NTM: variants seen among roughly 807,000 people sequenced by gnomAD.
NTM encodes the protein IgLON family member 2.
NTM carries 13 observed loss-of-function variants against 42.1 expected under a neutral mutation model. The observed-to-expected ratio is 0.31, with a 90% CI of 0.20 to 0.49. The LOEUF (loss-of-function observed/expected upper bound fraction) is 0.49. Ranked by LOEUF, NTM falls within the 20% of genes least tolerant of loss-of-function variation. The pLI, the probability that NTM is intolerant of heterozygous loss-of-function variation, is 0.99. For synonymous variants in NTM, 187 were observed against 179.2 expected (o/e 1.04, Z -0.35); for missense variants, 373 against 452.8 (o/e 0.82, Z 1.60).
chr11:131,910,779 C>T (rs1388086589), intron 1 of NTM: 7 of 964,452 alleles, frequency 7.3e-6, no homozygotes, highest in Non-Finnish European at 8.6e-6. Context: ...CCTCGGCCAC[C>T]GCCGCAGCCC....
At chr11:131,845,058 G>A (rs563064153) in intron 1 of NTM, among the ~76,000 whole-genome samples, 1 of 152,144 alleles carries the variant, frequency 6.6e-6, no homozygotes, top group East Asian at 1.9e-4. Flanking sequence ...CTAATATTTT[G>A]ACTATTAAAT....
intron 3 of NTM, among the ~76,000 whole-genome samples, chr11:132,170,811 G>A (rs533406883): frequency 3.3e-5 from 5 of 152,210 alleles, no homozygotes; most frequent in South Asian, 2.1e-4. Flanking sequence ...TTTACTAAAC[G>A]CTTATTCTGT....
At chr11:131,756,432 G>C (rs911464887) in intron 1 of NTM, among the ~76,000 whole-genome samples, 1 of 151,830 alleles carries the variant, frequency 6.6e-6, no homozygotes, top group African/African-American at 2.4e-5. Context: ...GCTGAGGCAG[G>C]TCAATTGCTT....
intron 2 of NTM, among the ~76,000 whole-genome samples, chr11:131,926,830 G>A (rs190163821): frequency 7.2e-5 from 11 of 152,250 alleles, no homozygotes; most frequent in Non-Finnish European, 1.3e-4. Flanking sequence ...AGGATCCGGG[G>A]TTTTCTAACT....
At chr11:131,912,432 A>G (rs1244667616) in intron 2 of NTM, among the ~76,000 whole-genome samples, 1 of 152,142 alleles carries the variant, frequency 6.6e-6, no homozygotes, top group East Asian at 1.9e-4. Context: ...AAGAAGAAGA[A>G]TCTTGGTTAT....
intron 1 of NTM, among the ~76,000 whole-genome samples, chr11:131,569,307 G>A (rs1416104593): frequency 6.6e-6 from 1 of 152,000 alleles, no homozygotes; most frequent in Non-Finnish European, 1.5e-5. Flanking sequence ...ACTATGCCTG[G>A]CTAATTTTTG....
chr11:131,643,994 T>A lies in NTM; in HGVS notation c.83-267570T>A, dbSNP rs547573097. ...TCTGAACTTCTTTGATCATCATTCATTATAAGACGACTTCTGCAGAATCTC... is the reference window on the plus strand; with the variant it reads ...TCTGAACTTCTTTGATCATCATTCAATATAAGACGACTTCTGCAGAATCTC... On this transcript the variant is annotated intron_variant, in intron 1 of 8. Coordinates refer to ENST00000683400, the MANE Select transcript of NTM (RefSeq NM_001352005.2). 7.9e-5 allele frequency among the ~76,000 whole-genome samples: 12 copies of A among 152,354 alleles called. No individual in the cohort carries two copies. In the South Asian group the frequency reaches 2.5e-3, roughly 32 times the overall value.
intron 1 of NTM, among the ~76,000 whole-genome samples, chr11:131,432,839 C>CCTTTTTTTTTTTTTTTTTTTT (rs1565494793): frequency 2.9e-5 from 2 of 68,694 alleles, no homozygotes; most frequent in Admixed American, 1.9e-4. Flanking sequence ...ATTTAGCATT[C>CCTTTTTTTTTTTTTTTTTTTT]TTTTTTTTTT....
chr11:131,677,861 C>T (rs2071702952), intron 1 of NTM, among the ~76,000 whole-genome samples: 1 of 152,178 alleles, frequency 6.6e-6, no homozygotes, highest in Non-Finnish European at 1.5e-5. Flanking sequence ...TCCTTGGTGG[C>T]CCTATAACAC....
chr11:132,035,360 A>C (rs2076386517), intron 2 of NTM, among the ~76,000 whole-genome samples: 1 of 152,104 alleles, frequency 6.6e-6, no homozygotes, highest in Non-Finnish European at 1.5e-5. Context: ...TGAGGGAGAG[A>C]ATTGAGTGTC....
intron 1 of NTM, among the ~76,000 whole-genome samples, chr11:131,756,911 C>T (rs982779860): frequency 1.3e-5 from 2 of 152,072 alleles, no homozygotes; most frequent in African/African-American, 4.8e-5. Flanking sequence ...CGAGGAAGAT[C>T]AGTGAAGCAG....
intron 4 of NTM, among the ~76,000 whole-genome samples, chr11:132,285,478 A>T (rs1198450554): frequency 6.6e-6 from 1 of 152,104 alleles, no homozygotes. Context: ...CTGAGATGGC[A>T]CTGCTACTCT....
At chr11:131,900,915 A>C (rs1445646634) in intron 1 of NTM, among the ~76,000 whole-genome samples, 2 of 152,212 alleles carry the variant, frequency 1.3e-5, no homozygotes, top group African/African-American at 2.4e-5. Flanking sequence ...TTGGGCCAAC[A>C]CTTGTTTTTT....
chr11:131,398,400 T>C (rs1203280000), intron 1 of NTM, among the ~76,000 whole-genome samples: 1 of 152,220 alleles, frequency 6.6e-6, no homozygotes. Flanking sequence ...ACATTTAATG[T>C]ATTTTTTTCT....
intron 2 of NTM, among the ~76,000 whole-genome samples, chr11:131,976,809 A>T (rs1374440931): frequency 6.6e-6 from 1 of 152,244 alleles, no homozygotes; most frequent in Non-Finnish European, 1.5e-5. Context: ...CATCTCAGCG[A>T]AAGTGCTACA....
In NTM at chr11:132,137,660, G is replaced by A. The variant is rs112285856; in HGVS notation, c.168-8622G>A. ...GGGACAGTCAGGACCCTGGGGCCAC[G>A]AACAGGAAGGCACTGTTAACACTTT... is the stretch of plus-strand genomic sequence containing the variant. On this transcript the variant is annotated intron_variant, in intron 2 of 8. Transcript: ENST00000683400. Among the ~76,000 whole-genome samples the A allele has an allele frequency of 9.9e-3, 1,507 of 152,268 alleles. 20 individuals carry two copies. Among genetic ancestry groups the A allele is most frequent in the African/African-American group, 0.034 (1,422 of 41,554 alleles).
chr11:131,370,732 A>G lies in NTM; in HGVS notation c.-75A>G. 1 of 1,276,236 alleles carries G rather than the reference A, an allele frequency of 7.8e-7. No individual in the cohort carries two copies. The highest frequency in any genetic ancestry group is 1.3e-5 in the South Asian group (1 of 78,340). 79.1% of individuals were successfully genotyped at this position (1,276,236 alleles called of 1,614,324 possible). A position where few individuals can be genotyped will look rare whatever the true frequency, so the allele number is the denominator to read the frequency against. ...CTCCTTGCACAAGCTTGAGAGCAAC[A>G]CAATCTATCAGGAAAGAAAGAAAGA... On this transcript the variant is annotated 5_prime_UTR_variant, in exon 1 of 9. Coordinates refer to ENST00000683400, the MANE Select transcript of NTM (RefSeq NM_001352005.2).
intron 2 of NTM, among the ~76,000 whole-genome samples, chr11:131,930,877 G>A (rs1196012959): frequency 2.0e-5 from 3 of 152,112 alleles, no homozygotes; most frequent in Non-Finnish European, 4.4e-5. Context: ...GTGAACAAAG[G>A]CAGAGCTCTA....
chr11:131,789,561 AGAAGAAGAAGAAGAAGAAGAAGAAGAAG>A (rs2090315307), intron 1 of NTM, among the ~76,000 whole-genome samples: 3 of 28,004 alleles, frequency 1.1e-4, no homozygotes, highest in African/African-American at 4.1e-4. Flanking sequence ...AAGAAGAAGA[AGAAGAAGAAGAAGAAGAAGAAGAAGAAG>A]AAGAAGAAGA....
Sources: gnomAD v4.1 joint callset for allele counts (sites outside exome capture counted in the v4.1 genomes callset) on GRCh38, gnomAD v4.1.1 for gene constraint, MANE v1.5 for transcripts, NCBI Gene and HGNC (gene_info 2026-07-23, HGNC 2026-07-21) for gene names.